The following ZNF471 variants were observed in gnomAD, a reference collection of about 807,000 sequenced individuals.
The protein encoded by ZNF471 is zinc finger protein 471.
A neutral mutation model predicts 13.7 loss-of-function variants in ZNF471; 7 were observed. That is an observed-to-expected ratio of 0.51 (90% CI 0.29 to 0.96). ZNF471 has a LOEUF of 0.96. Ranked by LOEUF, ZNF471 falls within the 40% of genes least tolerant of loss-of-function variation. ZNF471 has a pLI of 0.08. For synonymous variants in ZNF471, 218 were observed against 235.6 expected (o/e 0.93, Z 0.68); for missense variants, 663 against 743.3 (o/e 0.89, Z 1.26).
chr19:56,517,242 C>G (rs1320752812), intron 3 of ZNF471, among the ~76,000 whole-genome samples: 1 of 149,290 alleles, frequency 6.7e-6, no homozygotes, highest in Non-Finnish European at 1.5e-5. Flanking sequence ...AAGCAATTCT[C>G]CTGCCTTAGC....
rs146184040 is a variant in ZNF471, at chr19:56,514,557, A to C, written c.34-1718A>C. Among the ~76,000 whole-genome samples, 715 of 152,274 alleles carry C rather than the reference A, an allele frequency of 4.7e-3. 9 individuals carry two copies. Among genetic ancestry groups the C allele is most frequent in the East Asian group, 4.6e-3 (24 of 5,180 alleles). On this transcript the variant is annotated intron_variant, in intron 2 of 4. Coordinates refer to ENST00000308031, the MANE Select transcript of ZNF471 (RefSeq NM_020813.4). ...CTCAGTTATTTTGTAGAATGTCTCAAATCTGATGCTTTTTCATGATTAGAC... is the reference window on the plus strand; with the variant it reads ...CTCAGTTATTTTGTAGAATGTCTCACATCTGATGCTTTTTCATGATTAGAC...
Position 56,525,925 on chromosome 19 carries a change from A to G in ZNF471, c.1858A>G (p.Ser620Gly), listed in dbSNP as rs753135210. The G allele has an allele frequency of 6.4e-7, 1 of 1,569,808 alleles. No individual in the cohort carries two copies. Among genetic ancestry groups the G allele is most frequent in the South Asian group, 1.2e-5 (1 of 82,974 alleles). ...GTTATCCTTAATTTGTCATCAAAGA[A>G]GTCATACTGGAGAAGAACCTTAAGA... ...RKLSLICHQR[S>G]HTGEEP is the part of the protein sequence containing the mutation. The change falls in exon 5 of 5, where the codon AGT becomes GGT. Residue 620 changes from serine to glycine, a missense_variant. Coordinates refer to ENST00000308031, the MANE Select transcript of ZNF471 (RefSeq NM_020813.4).
In ZNF471 at chr19:56,510,352, G is replaced by A. The variant is rs2043793700; in HGVS notation, c.-55-1165G>A. 3.0e-6 allele frequency: 3 copies of A among 985,414 alleles called. No homozygotes were observed. The highest frequency in any genetic ancestry group is 3.6e-6 in the Non-Finnish European group (3 of 829,990). The allele number at this position is 985,414 out of a possible 1,614,324, so 61.0% of individuals were successfully genotyped here. On this transcript the variant is annotated intron_variant, in intron 1 of 4. Coordinates refer to ENST00000308031, the MANE Select transcript of ZNF471 (RefSeq NM_020813.4). The surrounding 1 kb of genome is among the most constrained non-coding windows in gnomAD (Gnocchi z 4.3). ...AGAGAAAGACTAGTGATGTGGTTGT[G>A]TGAGAGACCAAAATGGGTGAGAAAG...
At position 56,525,859 on chromosome 19, in the gene ZNF471, C is replaced by T; in HGVS notation, c.1792C>T (p.Pro598Ser). 3.7e-6 allele frequency: 6 copies of T among 1,609,186 alleles called. No homozygotes were observed. Among genetic ancestry groups the T allele is most frequent in the Non-Finnish European group, 5.1e-6 (6 of 1,178,700 alleles). Residue 598 changes from proline to serine, a missense_variant, in exon 5 of 5, where the codon CCC (proline) becomes TCC (serine). Transcript: ENST00000308031. ...TCAAAGACTCCACACTGGCCAAAGG[C>T]CCTATCAGTGTTTTGAATGTGGGAA... is the stretch of plus-strand genomic sequence containing the variant. ...QHQRLHTGQR[P>S]YQCFECGKAF...
chr19:56,521,540 G>A (rs2147922864), intron 4 of ZNF471, among the ~76,000 whole-genome samples: 1 of 149,184 alleles, frequency 6.7e-6, no homozygotes, highest in South Asian at 2.1e-4. Context: ...TCGAGAGGCT[G>A]AGGCAGGAGA....
chr19:56,517,471 T>A (rs1455889508), intron 3 of ZNF471, among the ~76,000 whole-genome samples: 1 of 151,838 alleles, frequency 6.6e-6, no homozygotes, highest in Non-Finnish European at 1.5e-5. Context: ...CCTGGCTAAT[T>A]TTTTTGTATT....
chr19:56,518,984 A>C (rs2043932908), intron 4 of ZNF471, among the ~76,000 whole-genome samples: 1 of 152,174 alleles, frequency 6.6e-6, no homozygotes, highest in Non-Finnish European at 1.5e-5. Flanking sequence ...TTCCTGTAGC[A>C]GATAGGAAAA....
chr19:56,511,107 T>C, intron 1 of ZNF471: 1 of 917,570 alleles, frequency 1.1e-6, no homozygotes, highest in Non-Finnish European at 1.3e-6. Context: ...TTTTTTTTTT[T>C]TCCCAAAAAC....
Position 56,510,443 on chromosome 19 carries a change from A to G in ZNF471, c.-55-1074A>G. ...AAATATAACCTCTGTGAGGTTGTGA[A>G]GCATGCATGTGTGAGTGAGACAGAG... On this transcript the variant is annotated intron_variant, in intron 1 of 4. Transcript: ENST00000308031. The surrounding 1 kb of genome is among the most constrained non-coding windows in gnomAD (Gnocchi z 4.3). The G allele has an allele frequency of 1.0e-6, 1 of 985,596 alleles. No individual in the cohort carries two copies. The highest frequency in any genetic ancestry group is 1.2e-6 in the Non-Finnish European group (1 of 829,928). 61.1% of individuals were successfully genotyped at this position (985,596 alleles called of 1,614,324 possible). A position where few individuals can be genotyped will look rare whatever the true frequency, so the allele number is the denominator to read the frequency against.
Position 56,525,060 on chromosome 19 carries a change from G to T in ZNF471, c.993G>T (p.Ser331=). ...GTGGCAAAGCCTTCAGTGATGGCTC[G>T]TCTTTTGCTCGACATCAGAGATGTC... ...KECGKAFSDG[S]SFARHQRCHT... is the part of the protein sequence containing the mutation. The change falls in exon 5 of 5, where the codon TCG becomes TCT. Residue 331 remains serine (S), a synonymous_variant. Coordinates refer to ENST00000308031, the MANE Select transcript of ZNF471 (RefSeq NM_020813.4). 1 of 1,600,922 alleles carries T rather than the reference G, an allele frequency of 6.2e-7. No homozygotes were observed. The highest frequency in any genetic ancestry group is 8.5e-7 in the Non-Finnish European group (1 of 1,176,210).
chr19:56,523,718 A>C (rs779825525), intron 4 of ZNF471, among the ~76,000 whole-genome samples: 3 of 152,222 alleles, frequency 2.0e-5, no homozygotes, highest in Non-Finnish European at 4.4e-5. Context: ...GTAGATGAAG[A>C]GAGCTTAATT....
rs2043762610 is a variant in ZNF471, at chr19:56,508,320, G to A, written c.-56+400G>A. ...GTGACAGAGCGAGACGGGCCAGTGT[G>A]AGAGACCAGTGAGTGTGAGAGAGAT... On this transcript the variant is annotated intron_variant, in intron 1 of 4. Transcript: ENST00000308031. The surrounding 1 kb of genome is among the most constrained non-coding windows in gnomAD (Gnocchi z 4.7). Among the ~76,000 whole-genome samples the A allele has an allele frequency of 6.6e-6, 1 of 151,930 alleles. No homozygotes were observed. The highest frequency in any genetic ancestry group is 2.4e-5 in the African/African-American group (1 of 41,346).
intron 1 of ZNF471, chr19:56,509,768 T>A: frequency 1.9e-6 from 1 of 529,904 alleles, no homozygotes; most frequent in Non-Finnish European, 2.4e-6. Context: ...TCCCCACACA[T>A]CTGGTCTTAG....
intron 3 of ZNF471, among the ~76,000 whole-genome samples, chr19:56,517,960 T>G (rs886382623): frequency 6.6e-6 from 1 of 152,264 alleles, no homozygotes; most frequent in Non-Finnish European, 1.5e-5. Flanking sequence ...AGTATTGATA[T>G]AATAATAGCT....
Position 56,528,360 on chromosome 19 carries a change from T to C in ZNF471, c.*2412T>C. The C allele has an allele frequency of 6.6e-6, 1 of 152,220 alleles. No homozygotes were observed. Among genetic ancestry groups the C allele is most frequent in the East Asian group, 1.9e-4 (1 of 5,196 alleles). The allele number at this position is 152,220 out of a possible 1,614,324, so 9.4% of individuals were successfully genotyped here. A position where few individuals can be genotyped will look rare whatever the true frequency, so the allele number is the denominator to read the frequency against. On this transcript the variant is annotated 3_prime_UTR_variant, in exon 5 of 5. Transcript: ENST00000308031. ...TGTAAATTATTTTTAAACAGTGCAT[T>C]CTTGAAAGCAGTATGGCAGTCATAA...
chr19:56,512,900 CT>C (rs1365248292), intron 2 of ZNF471, among the ~76,000 whole-genome samples: 1 of 145,272 alleles, frequency 6.9e-6, no homozygotes, highest in East Asian at 1.9e-4. Flanking sequence ...TGAAACACTG[CT>C]TTTTTTTCTT....
chr19:56,523,357 CTTT>C (rs201870381), intron 4 of ZNF471, among the ~76,000 whole-genome samples: 1 of 136,344 alleles, frequency 7.3e-6, no homozygotes, highest in Admixed American at 7.4e-5. Flanking sequence ...GTGAAACCCT[CTTT>C]TTTTTTTTTT....
Position 56,510,471 on chromosome 19 carries a change from A to G in ZNF471, c.-55-1046A>G, listed in dbSNP as rs2147901170. The G allele has an allele frequency of 2.0e-6, 2 of 985,374 alleles. No homozygotes were observed. The highest frequency in any genetic ancestry group is 9.4e-5 in the South Asian group (2 of 21,288). The allele number at this position is 985,374 out of a possible 1,614,324, so 61.0% of individuals were successfully genotyped here. ...ATGCATGTGTGAGTGAGACAGAGAT[A>G]AGGGACAGTGAGCTGTGTGTGTGAG... On this transcript the variant is annotated intron_variant, in intron 1 of 4. Coordinates refer to ENST00000308031, the MANE Select transcript of ZNF471 (RefSeq NM_020813.4). This position sits in a 1 kb window ranked among gnomAD's most constrained non-coding sequence, Gnocchi z 4.3.
chr19:56,511,535 C>A lies in ZNF471; in HGVS notation c.-37C>A, dbSNP rs371041841. 8.7e-6 allele frequency: 14 copies of A among 1,613,584 alleles called. No homozygotes were observed. The highest frequency in any genetic ancestry group is 2.7e-5 in the African/African-American group (2 of 74,908). On this transcript the variant is annotated 5_prime_UTR_variant, in exon 2 of 5. It adds an upstream start codon to the 5' untranslated region. Transcript: ENST00000308031. ...CCTTCAGCCTTGCCCTCCCAAGACA[C>A]TGTTCTTCAAGAGAAAGACCAGAAG...
Sources: gnomAD v4.1 joint callset for allele counts (sites outside exome capture counted in the v4.1 genomes callset) on GRCh38, gnomAD v4.1.1 for gene constraint, Gnocchi (gnomAD v3.1) non-coding constraint, MANE v1.5 for transcripts, NCBI Gene and HGNC (gene_info 2026-07-23, HGNC 2026-07-21) for gene names.